Variants in CACNA2D3 observed in about 807,000 individuals in gnomAD.
The protein encoded by CACNA2D3 is voltage-dependent calcium channel subunit alpha-2/delta-3.
Under a neutral mutation model 160.6 loss-of-function variants are expected in CACNA2D3, and 60 were observed. The observed-to-expected ratio is 0.37, with a 90% CI of 0.30 to 0.46. The LOEUF (loss-of-function observed/expected upper bound fraction) is 0.46, where lower values mean the gene tolerates loss of function less well. Ranked by LOEUF, CACNA2D3 falls within the 20% of genes least tolerant of loss-of-function variation. CACNA2D3 has a pLI of 1.00. For synonymous variants in CACNA2D3, 558 were observed against 492.9 expected (o/e 1.13, Z -1.75); for missense variants, 1,205 against 1,365.0 (o/e 0.88, Z 1.85).
chr3:54,928,176 T>C (rs1001861332), intron 27 of CACNA2D3: 2 of 516,874 alleles, frequency 3.9e-6, no homozygotes, highest in Non-Finnish European at 3.4e-6. Flanking sequence ...TCTTAAAATG[T>C]TGGCCTCCCC....
intron 27 of CACNA2D3, among the ~76,000 whole-genome samples, chr3:54,949,594 A>T (rs1701703915): frequency 6.6e-6 from 1 of 152,188 alleles, no homozygotes; most frequent in South Asian, 2.1e-4. Context: ...GCAGCACTGG[A>T]ATCAGGGCAC....
intron 11 of CACNA2D3, among the ~76,000 whole-genome samples, chr3:54,727,509 A>G (rs979884666): frequency 6.6e-6 from 1 of 152,236 alleles, no homozygotes; most frequent in Admixed American, 6.5e-5. Context: ...AACCAACCCA[A>G]ATGTCTATCA....
At chr3:54,809,847 A>G (rs1480740682) in intron 13 of CACNA2D3, among the ~76,000 whole-genome samples, 1 of 152,064 alleles carries the variant, frequency 6.6e-6, no homozygotes, top group Admixed American at 6.5e-5. Flanking sequence ...GGCCAGGCAT[A>G]GGTATAGTCC....
At chr3:54,507,893 G>A (rs904534708) in intron 5 of CACNA2D3, among the ~76,000 whole-genome samples, 1 of 152,260 alleles carries the variant, frequency 6.6e-6, no homozygotes, top group Non-Finnish European at 1.5e-5. Context: ...CGGGGGATGT[G>A]CTGAGGATTG....
chr3:54,715,143 G>A (rs1030605776), intron 11 of CACNA2D3, among the ~76,000 whole-genome samples: 1 of 152,162 alleles, frequency 6.6e-6, no homozygotes, highest in Non-Finnish European at 1.5e-5. Flanking sequence ...ACTTCTGATC[G>A]ACCAGCTGTG....
At chr3:55,069,655 C>T (rs1408247617) in intron 35 of CACNA2D3, among the ~76,000 whole-genome samples, 2 of 152,104 alleles carry the variant, frequency 1.3e-5, no homozygotes, top group Non-Finnish European at 2.9e-5. Context: ...TTTCTATGAA[C>T]ACAGCAATAT....
chr3:54,133,072 G>C (rs1361302765), intron 2 of CACNA2D3, among the ~76,000 whole-genome samples: 2 of 152,158 alleles, frequency 1.3e-5, no homozygotes, highest in South Asian at 2.1e-4. Flanking sequence ...TTGTCCACTT[G>C]AGGGGTTGTT....
intron 27 of CACNA2D3, among the ~76,000 whole-genome samples, chr3:54,964,810 T>G (rs113352189): frequency 4.0e-5 from 6 of 150,830 alleles, no homozygotes; most frequent in African/African-American, 1.5e-4. Context: ...GGGGAGAGGG[T>G]TATTCTTATT....
At chr3:54,153,794 A>G (rs573053380) in intron 2 of CACNA2D3, among the ~76,000 whole-genome samples, 5 of 152,340 alleles carry the variant, frequency 3.3e-5, no homozygotes, top group African/African-American at 1.2e-4. Context: ...CCAACCCACT[A>G]AATTAATTAT....
chr3:54,458,325 C>T (rs1575465962), intron 4 of CACNA2D3, among the ~76,000 whole-genome samples: 1 of 152,062 alleles, frequency 6.6e-6, no homozygotes, highest in East Asian at 1.9e-4. Flanking sequence ...GTGTAGCACT[C>T]CTGTAAGCAT....
At chr3:54,419,047 C>T (rs937281228) in intron 4 of CACNA2D3, among the ~76,000 whole-genome samples, 4 of 152,168 alleles carry the variant, frequency 2.6e-5, no homozygotes, top group Non-Finnish European at 5.9e-5. Context: ...AGTGGAGGAT[C>T]ATCTCAAGAG....
intron 2 of CACNA2D3, among the ~76,000 whole-genome samples, chr3:54,290,431 A>G (rs1268854316): frequency 2.6e-5 from 4 of 152,196 alleles, no homozygotes; most frequent in African/African-American, 9.7e-5. Flanking sequence ...GAGGATGTGG[A>G]AAAATAGGAA....
chr3:54,285,651 C>G (rs1444226348), intron 2 of CACNA2D3, among the ~76,000 whole-genome samples: 1 of 152,188 alleles, frequency 6.6e-6, no homozygotes, highest in Non-Finnish European at 1.5e-5. Flanking sequence ...GTCCCTGACC[C>G]CCGAGCAGCC....
intron 3 of CACNA2D3, among the ~76,000 whole-genome samples, chr3:54,385,342 T>C (rs1699170059): frequency 6.6e-6 from 1 of 152,124 alleles, no homozygotes; most frequent in Admixed American, 6.6e-5. Flanking sequence ...AAGCTGAGGC[T>C]CAGACAGGGG....
intron 2 of CACNA2D3, among the ~76,000 whole-genome samples, chr3:54,263,017 A>T (rs1169204019): frequency 2.0e-5 from 3 of 152,176 alleles, no homozygotes; most frequent in South Asian, 2.1e-4. Context: ...ATGGATTTAT[A>T]CTATGACTTT....
chr3:54,681,675 G>A (rs1034355557), intron 11 of CACNA2D3, among the ~76,000 whole-genome samples: 1 of 152,072 alleles, frequency 6.6e-6, no homozygotes, highest in Admixed American at 6.6e-5. Flanking sequence ...ATGTCTATGT[G>A]ATGCAAGTTT....
chr3:54,486,931 T>C (rs1303599794), intron 4 of CACNA2D3, among the ~76,000 whole-genome samples: 1 of 152,188 alleles, frequency 6.6e-6, no homozygotes, highest in Admixed American at 6.5e-5. Flanking sequence ...TTTCTCTACC[T>C]GACAACATGG....
intron 35 of CACNA2D3, among the ~76,000 whole-genome samples, chr3:55,060,165 A>G (rs148374175): frequency 3.9e-5 from 6 of 152,236 alleles, no homozygotes; most frequent in African/African-American, 1.4e-4. Context: ...GTGAGATGGC[A>G]GGCTCTATTG....
intron 2 of CACNA2D3, among the ~76,000 whole-genome samples, chr3:54,186,885 A>G (rs1274807169): frequency 6.6e-6 from 1 of 152,092 alleles, no homozygotes; most frequent in African/African-American, 2.4e-5. Context: ...TTCCTCCATA[A>G]TGGGAAGCCC....
Sources: gnomAD v4.1 joint callset for allele counts (sites outside exome capture counted in the v4.1 genomes callset) on GRCh38, gnomAD v4.1.1 for gene constraint, MANE v1.5 for transcripts, NCBI Gene and HGNC (gene_info 2026-07-23, HGNC 2026-07-21) for gene names.